JAML: variants seen among roughly 807,000 people sequenced by gnomAD.
The protein encoded by JAML is junction adhesion molecule like, also known as junctional adhesion molecule-like.
Under a neutral mutation model 39.3 loss-of-function variants are expected in JAML, and 25 were observed. The observed-to-expected ratio is 0.64, with a 90% CI of 0.46 to 0.89. JAML has a LOEUF of 0.89. JAML is among the 40% of genes least tolerant of loss of function. JAML has a pLI of 0.00. For synonymous variants in JAML, 162 were observed against 179.2 expected (o/e 0.90, Z 0.77); for missense variants, 440 against 486.9 (o/e 0.90, Z 0.91).
chr11:118,221,728 G>C (rs1032385949), intron 1 of JAML, among the ~76,000 whole-genome samples: 1 of 152,118 alleles, frequency 6.6e-6, no homozygotes, highest in Non-Finnish European at 1.5e-5. Flanking sequence ...TGGTGCCCTG[G>C]GTTCAATTCC....
At position 118,212,518 on chromosome 11, in the gene JAML, C is replaced by A; in HGVS notation, c.87G>T (p.Glu29Asp). ...GLNDLNVSPP[E>D]LTVHVGDSAL... is the part of the protein sequence containing the mutation. Reference sequence around the variant, plus strand: ...CTGAATCACCCACATGGACTGTTAGCTCAGGCGGGGAAACATTCAAGTCAT... The same window carrying A: ...CTGAATCACCCACATGGACTGTTAGATCAGGCGGGGAAACATTCAAGTCAT... The change falls in exon 3 of 10, where the codon GAG (glutamate) becomes GAT (aspartate). Residue 29 changes from glutamate (E) to aspartate (D), a missense_variant. Transcript: ENST00000356289. The A allele has an allele frequency of 6.2e-7, 1 of 1,614,154 alleles. No homozygotes were observed. Among genetic ancestry groups the A allele is most frequent in the Non-Finnish European group, 8.5e-7 (1 of 1,180,012 alleles).
intron 1 of JAML, among the ~76,000 whole-genome samples, chr11:118,221,085 A>G (rs962247506): frequency 1.3e-5 from 2 of 152,226 alleles, no homozygotes; most frequent in African/African-American, 4.8e-5. Flanking sequence ...TTTTGCTTAT[A>G]TGGTAAAAAT....
intron 1 of JAML, among the ~76,000 whole-genome samples, chr11:118,215,540 G>T (rs1045171873): frequency 5.9e-5 from 9 of 151,784 alleles, no homozygotes; most frequent in Non-Finnish European, 1.3e-4. Context: ...TAGTAGAGAG[G>T]TCTCACTGTG....
chr11:118,198,235 C>A (rs1250284094), intron 7 of JAML, 144 bp from the exon 8 acceptor site: 1 of 646,834 alleles, frequency 1.5e-6, no homozygotes, highest in Non-Finnish European at 2.7e-6. Flanking sequence ...CCAGGGCTAC[C>A]CGGCTCACCT....
Position 118,210,554 on chromosome 11 carries a change from G to A in JAML, c.357C>T (p.Arg119=). The part of the protein sequence containing the change: ...ADQGTYICEI[R]LKGESQVFKK... ...TGAACACCTGGCTCTCCCCTTTGAG[G>A]CGGATTTCACAGATATAGGTTCCCT... The change falls in exon 4 of 10, where the codon CGC becomes CGT. Residue 119 remains arginine, a synonymous_variant. Transcript: ENST00000356289. 6.2e-7 allele frequency: 1 copy of A among 1,614,164 alleles called. No individual in the cohort carries two copies. The highest frequency in any genetic ancestry group is 8.5e-7 in the Non-Finnish European group (1 of 1,180,004).
At chr11:118,215,812 A>G (rs1224614056) in intron 1 of JAML, among the ~76,000 whole-genome samples, 1 of 152,080 alleles carries the variant, frequency 6.6e-6, no homozygotes, top group African/African-American at 2.4e-5. Context: ...AAAAGGATTC[A>G]CTGTTCTACC....
chr11:118,210,570 T>C lies in JAML; in HGVS notation c.341A>G (p.Tyr114Cys). Reference sequence around the variant, plus strand: ...CCCTTTGAGGCGGATTTCACAGATATAGGTTCCCTGGTCAGCCTCTTGCAC... The same window carrying C: ...CCCTTTGAGGCGGATTTCACAGATACAGGTTCCCTGGTCAGCCTCTTGCAC... ...QDVQEADQGT[Y>C]ICEIRLKGES... Residue 114 changes from tyrosine to cysteine, a missense_variant, in exon 4 of 10, where the codon TAT becomes TGT. Tyr to Cys is a radical substitution (Grantham distance 194, BLOSUM62 -2). Transcript: ENST00000356289. 1 of 1,614,200 alleles carries C rather than the reference T, an allele frequency of 6.2e-7. No homozygotes were observed. The highest frequency in any genetic ancestry group is 8.5e-7 in the Non-Finnish European group (1 of 1,180,018).
chr11:118,212,288 C>T (rs1233064887), intron 3 of JAML, 119 bp downstream of exon 3: 1 of 1,305,082 alleles, frequency 7.7e-7, no homozygotes, highest in Admixed American at 2.4e-5. Context: ...TGATAATCTC[C>T]AAAGCCCCGG....
intron 3 of JAML, 95 bp from the exon 4 acceptor site, chr11:118,210,807 A>G: frequency 1.0e-6 from 1 of 965,438 alleles, no homozygotes; most frequent in East Asian, 2.4e-5. Flanking sequence ...CAGCAGAGCT[A>G]TCATCATGAT....
At chr11:118,215,381 T>C (rs1030076856) in intron 1 of JAML, among the ~76,000 whole-genome samples, 8 of 152,004 alleles carry the variant, frequency 5.3e-5, no homozygotes, top group African/African-American at 9.7e-5. Context: ...GAGGAAGAGG[T>C]TGGGGGAGGG....
intron 9 of JAML, 55 bp downstream of exon 9, chr11:118,196,680 C>T: frequency 6.6e-7 from 1 of 1,506,028 alleles, no homozygotes; most frequent in Admixed American, 1.7e-5. Context: ...CGCCCACCAC[C>T]ACCACCACCT....
At chr11:118,220,760 A>G (rs1191473001) in intron 1 of JAML, among the ~76,000 whole-genome samples, 1 of 152,216 alleles carries the variant, frequency 6.6e-6, no homozygotes, top group Non-Finnish European at 1.5e-5. Context: ...CCCTCAGTGC[A>G]GATGGCCAGG....
At chr11:118,220,430 C>A (rs1949198674) in intron 1 of JAML, among the ~76,000 whole-genome samples, 1 of 152,222 alleles carries the variant, frequency 6.6e-6, no homozygotes, top group Non-Finnish European at 1.5e-5. Context: ...GTTGGCTCAT[C>A]ATTTTCCAGT....
At chr11:118,221,492 C>T (rs990471454) in intron 1 of JAML, among the ~76,000 whole-genome samples, 20 of 152,222 alleles carry the variant, frequency 1.3e-4, no homozygotes, top group Non-Finnish European at 2.5e-4. Flanking sequence ...ACCTAGATCC[C>T]TTGCATGTGC....
At chr11:118,202,752 A>AC in intron 6 of JAML, 1 of 363,674 alleles carries the variant, frequency 2.7e-6, no homozygotes, top group Non-Finnish European at 5.4e-6. Context: ...CATCTTCCCC[A>AC]CCCCCAGCCA....
chr11:118,199,797 C>T (rs1441821580), intron 7 of JAML, among the ~76,000 whole-genome samples: 2 of 150,658 alleles, frequency 1.3e-5, no homozygotes, highest in African/African-American at 4.9e-5. Context: ...CCCAGGTTCA[C>T]GCCATTCTCC....
At chr11:118,210,770 G>T in intron 3 of JAML, 58 bp from the exon 4 acceptor site, 1 of 1,420,450 alleles carries the variant, frequency 7.0e-7, no homozygotes, top group Non-Finnish European at 9.9e-7. Context: ...GAGGAGCCTG[G>T]ATCCCAAAGA....
intron 7 of JAML, 63 bp downstream of exon 7, chr11:118,200,411 T>G: frequency 1.3e-6 from 2 of 1,583,070 alleles, no homozygotes; most frequent in Non-Finnish European, 1.7e-6. Context: ...CTGTTCTACT[T>G]TGGGGTAGAG....
chr11:118,198,290 G>T (rs190889826), intron 7 of JAML, among the ~76,000 whole-genome samples, 199 bp from the exon 8 acceptor site: 5 of 152,260 alleles, frequency 3.3e-5, no homozygotes, highest in African/African-American at 1.2e-4. Context: ...ACAAGAAGCC[G>T]TTCTGGAGAT....
Sources: gnomAD v4.1 joint callset for allele counts (sites outside exome capture counted in the v4.1 genomes callset) on GRCh38, gnomAD v4.1.1 for gene constraint, MANE v1.5 for transcripts, NCBI Gene and HGNC (gene_info 2026-07-23, HGNC 2026-07-21) for gene names.